Variants in IGSF21 observed in about 807,000 individuals in gnomAD.
IGSF21 encodes immunoglobulin superfamily member 21.
Under a neutral mutation model 46.8 loss-of-function variants are expected in IGSF21, and 28 were observed. That is an observed-to-expected ratio of 0.60 (90% CI 0.44 to 0.82). IGSF21 has a LOEUF of 0.82. Among genes scored for constraint, IGSF21 ranks in the 40% least tolerant of loss-of-function variants. The pLI is 0.00. For synonymous variants in IGSF21, 284 were observed against 273.6 expected (o/e 1.04, Z -0.38); for missense variants, 624 against 665.5 (o/e 0.94, Z 0.69).
At chr1:18,293,634 A>G (rs1453027226) in intron 3 of IGSF21, among the ~76,000 whole-genome samples, 1 of 152,200 alleles carries the variant, frequency 6.6e-6, no homozygotes, top group Non-Finnish European at 1.5e-5. Context: ...GCCAGTTACA[A>G]TCAAGATGAA....
At chr1:18,299,468 C>T (rs1010042769) in intron 3 of IGSF21, among the ~76,000 whole-genome samples, 14 of 152,264 alleles carry the variant, frequency 9.2e-5, no homozygotes, top group East Asian at 1.9e-4. Flanking sequence ...CTGAATTCTC[C>T]AGCTCCCTTC....
At chr1:18,175,168 C>T (rs9726406) in intron 1 of IGSF21, among the ~76,000 whole-genome samples, 2 of 152,070 alleles carry the variant, frequency 1.3e-5, no homozygotes, top group African/African-American at 2.4e-5. Flanking sequence ...TGGGCTTGGG[C>T]GTCCAAAACT....
At chr1:18,231,922 C>CCTGT (rs1553156168) in intron 2 of IGSF21, among the ~76,000 whole-genome samples, 1 of 136,438 alleles carries the variant, frequency 7.3e-6, no homozygotes, top group Non-Finnish European at 1.6e-5. Flanking sequence ...ATCATTAGAT[C>CCTGT]GTGTGTGTGT....
chr1:18,212,149 G>A (rs998568484), intron 1 of IGSF21, among the ~76,000 whole-genome samples: 1 of 152,228 alleles, frequency 6.6e-6, no homozygotes, highest in African/African-American at 2.4e-5. Context: ...CACGGCCCCC[G>A]GGTGCCGGGC....
Position 18,319,030 on chromosome 1 carries a change from C to T in IGSF21, c.306-15862C>T, listed in dbSNP as rs537998067. ...TGATATCGGTGAGAACTACTTTTGG[C>T]TCCATGCAACAAAAACCCAAAGTGA... On this transcript the variant is annotated intron_variant, in intron 3 of 9. Transcript: ENST00000251296. Among the ~76,000 whole-genome samples, 61 of 152,298 alleles carry T rather than the reference C, an allele frequency of 4.0e-4. No individual in the cohort carries two copies. In the South Asian group the frequency reaches 4.1e-3, roughly 10 times the overall value.
intron 2 of IGSF21, among the ~76,000 whole-genome samples, chr1:18,268,713 A>C (rs1427691869): frequency 6.6e-6 from 1 of 152,224 alleles, no homozygotes; most frequent in Non-Finnish European, 1.5e-5. Context: ...CTGCAGATCC[A>C]GAAACAGATA....
chr1:18,348,214 T>G, intron 4 of IGSF21, among the ~76,000 whole-genome samples: 1 of 152,226 alleles, frequency 6.6e-6, no homozygotes, highest in East Asian at 1.9e-4. Flanking sequence ...TTGCCTAGCT[T>G]GGGAGCTTCT....
chr1:18,183,678 G>A (rs1038977358), intron 1 of IGSF21, among the ~76,000 whole-genome samples: 1 of 152,216 alleles, frequency 6.6e-6, no homozygotes, highest in African/African-American at 2.4e-5. Flanking sequence ...GCTTGCGTGA[G>A]TTGGGCTCAG....
intron 1 of IGSF21, among the ~76,000 whole-genome samples, chr1:18,117,531 C>T (rs1233783010): frequency 6.6e-6 from 1 of 152,218 alleles, no homozygotes; most frequent in Non-Finnish European, 1.5e-5. Context: ...TGTCACTCTT[C>T]ATGGTGGCCT....
At chr1:18,344,880 T>C (rs1017155708) in intron 4 of IGSF21, among the ~76,000 whole-genome samples, 1 of 152,150 alleles carries the variant, frequency 6.6e-6, no homozygotes, top group Non-Finnish European at 1.5e-5. Flanking sequence ...CTCCAGGCGA[T>C]TACTGTGGCC....
At chr1:18,260,802 G>A (rs962549835) in intron 2 of IGSF21, among the ~76,000 whole-genome samples, 8 of 152,162 alleles carry the variant, frequency 5.3e-5, no homozygotes, top group African/African-American at 1.9e-4. Flanking sequence ...TCCAGCGTCC[G>A]AGCCCTGCCT....
chr1:18,276,771 T>C (rs563663177), intron 2 of IGSF21, among the ~76,000 whole-genome samples: 5 of 152,288 alleles, frequency 3.3e-5, no homozygotes, highest in Admixed American at 3.3e-4. Context: ...TGGACCTGCA[T>C]AGACTCCCTG....
intron 6 of IGSF21, among the ~76,000 whole-genome samples, chr1:18,369,270 G>C (rs922010355): frequency 3.3e-5 from 5 of 152,154 alleles, no homozygotes; most frequent in Admixed American, 2.0e-4. Context: ...CCTGATGAAG[G>C]GGGAGAATAG....
At chr1:18,359,332 G>GAAAAAAAAAA (rs2086059062) in intron 4 of IGSF21, among the ~76,000 whole-genome samples, 1 of 62,770 alleles carries the variant, frequency 1.6e-5, no homozygotes, top group African/African-American at 5.3e-5. Flanking sequence ...GAGAGAAAGA[G>GAAAAAAAAAA]AAAGAAAAAG....
intron 6 of IGSF21, among the ~76,000 whole-genome samples, chr1:18,366,478 A>T (rs1333831816): frequency 1.3e-5 from 2 of 152,126 alleles, no homozygotes; most frequent in Admixed American, 6.5e-5. Context: ...AGGTGGGAAC[A>T]TGGGAGGTGA....
At chr1:18,309,423 C>T (rs547402846) in intron 3 of IGSF21, among the ~76,000 whole-genome samples, 1 of 152,268 alleles carries the variant, frequency 6.6e-6, no homozygotes, top group South Asian at 2.1e-4. Flanking sequence ...AGCTTCAATG[C>T]CCTCCCCTAG....
intron 2 of IGSF21, among the ~76,000 whole-genome samples, chr1:18,247,502 A>G (rs960137917): frequency 6.6e-6 from 1 of 152,100 alleles, no homozygotes; most frequent in Non-Finnish European, 1.5e-5. Flanking sequence ...AAGTGGCAGG[A>G]GAGTGCCCAG....
intron 1 of IGSF21, among the ~76,000 whole-genome samples, chr1:18,147,940 T>A (rs941633829): frequency 6.6e-6 from 1 of 152,024 alleles, no homozygotes; most frequent in Non-Finnish European, 1.5e-5. Context: ...AATGAGTAAG[T>A]CTCATGAGAT....
At chr1:18,352,265 T>A (rs1246591011) in intron 4 of IGSF21, among the ~76,000 whole-genome samples, 1 of 152,158 alleles carries the variant, frequency 6.6e-6, no homozygotes, top group East Asian at 1.9e-4. Flanking sequence ...AAGCCCTTAG[T>A]TCACATAATT....
Sources: gnomAD v4.1 joint callset for allele counts (sites outside exome capture counted in the v4.1 genomes callset) on GRCh38, gnomAD v4.1.1 for gene constraint, MANE v1.5 for transcripts, NCBI Gene and HGNC (gene_info 2026-07-23, HGNC 2026-07-21) for gene names.